Variants in KLHL32 observed in about 807,000 individuals in gnomAD.
KLHL32 encodes kelch-like protein 32.
Under a neutral mutation model 64.8 loss-of-function variants are expected in KLHL32, and 35 were observed. The ratio of observed to expected loss-of-function variants is 0.54; its 90% CI spans 0.41 to 0.72. KLHL32 has a LOEUF of 0.72. KLHL32 is among the 30% of genes least tolerant of loss of function. The pLI is 0.00. For synonymous variants in KLHL32, 259 were observed against 281.0 expected (o/e 0.92, Z 0.78); for missense variants, 589 against 768.5 (o/e 0.77, Z 2.76).
chr6:97,022,765 C>G (rs1309870923), intron 3 of KLHL32, among the ~76,000 whole-genome samples: 1 of 152,158 alleles, frequency 6.6e-6, no homozygotes, highest in African/African-American at 2.4e-5. Flanking sequence ...CCATGGCGCC[C>G]AGCCCTGATC....
At chr6:97,028,872 A>T (rs983785379) in intron 3 of KLHL32, among the ~76,000 whole-genome samples, 10 of 152,264 alleles carry the variant, frequency 6.6e-5, no homozygotes, top group African/African-American at 2.2e-4. Flanking sequence ...ACTTCTTTGT[A>T]TGGTGGGTAG....
intron 1 of KLHL32, among the ~76,000 whole-genome samples, chr6:96,947,423 G>A (rs566948435): frequency 7.4e-4 from 113 of 152,230 alleles, no homozygotes; most frequent in African/African-American, 2.5e-3. Flanking sequence ...ACAACCACAT[G>A]TTAGGAACAT....
chr6:96,915,566 G>A, the KLHL32 span, among the ~76,000 whole-genome samples: 1 of 152,064 alleles, frequency 6.6e-6, no homozygotes, highest in Non-Finnish European at 1.5e-5. Flanking sequence ...CTGATCTTGG[G>A]AGATAAAAAG....
chr6:97,126,155 T>C (rs1207741125), intron 7 of KLHL32, among the ~76,000 whole-genome samples: 6 of 152,118 alleles, frequency 3.9e-5, no homozygotes, highest in Admixed American at 2.0e-4. Context: ...TTTTATATCT[T>C]TATTGAAAAA....
chr6:96,973,744 A>G (rs1775384690), intron 2 of KLHL32, among the ~76,000 whole-genome samples: 2 of 24,338 alleles, frequency 8.2e-5, no homozygotes, highest in Admixed American at 3.0e-4. Context: ...TTTTTTTTAG[A>G]CAGAGTCTCG....
Position 97,065,568 on chromosome 6 carries a change from C to G in KLHL32, c.411+842C>G, listed in dbSNP as rs535091214. Among the ~76,000 whole-genome samples the G allele has an allele frequency of 8.5e-5, 13 of 152,242 alleles. No individual in the cohort carries two copies. In the South Asian group the frequency reaches 2.3e-3, roughly 27 times the overall value. On this transcript the variant is annotated intron_variant, in intron 5 of 10. Coordinates refer to ENST00000369261, the MANE Select transcript of KLHL32 (RefSeq NM_052904.4). Reference sequence around the variant, plus strand: ...GCAATTTTAGGATCCTCCCACTTCCCCCACTGGTGTCACCTTCACTTGCAT... The same window carrying G: ...GCAATTTTAGGATCCTCCCACTTCCGCCACTGGTGTCACCTTCACTTGCAT...
rs901342146 is a variant in KLHL32 at position 97,039,547 on chromosome 6, C to G, written c.205-1945C>G. 3.6e-4 allele frequency among the ~76,000 whole-genome samples: 38 copies of G among 105,220 alleles called. 7 individuals carry two copies. Among genetic ancestry groups the G allele is most frequent in the African/African-American group, 1.8e-3 (37 of 20,910 alleles). 69.0% of individuals were successfully genotyped at this position (105,220 alleles called of 152,430 possible). ...TGAAAATAGCTAGAAGACAGCCGGG[C>G]GCAGTGGTTCACGCCTGTAATCCCA... On this transcript the variant is annotated intron_variant, in intron 3 of 10. Transcript: ENST00000369261.
intron 6 of KLHL32, among the ~76,000 whole-genome samples, chr6:97,095,466 C>T (rs1027446585): frequency 6.6e-6 from 1 of 152,190 alleles, no homozygotes; most frequent in Admixed American, 6.5e-5. Context: ...ATTCCACACC[C>T]CTTGGATTCT....
chr6:97,089,422 C>T (rs1188471219), intron 6 of KLHL32, among the ~76,000 whole-genome samples: 1 of 152,120 alleles, frequency 6.6e-6, no homozygotes, highest in Non-Finnish European at 1.5e-5. Context: ...GTTTTGTTTT[C>T]CTTTAATTAT....
intron 4 of KLHL32, among the ~76,000 whole-genome samples, chr6:97,055,247 T>C (rs1787609091): frequency 6.6e-6 from 1 of 152,178 alleles, no homozygotes; most frequent in South Asian, 2.1e-4. Context: ...TCACCGTCCA[T>C]TGAGAAAATA....
chr6:97,026,976 A>G (rs1295635755), intron 3 of KLHL32, among the ~76,000 whole-genome samples: 2 of 151,974 alleles, frequency 1.3e-5, no homozygotes, highest in African/African-American at 4.8e-5. Context: ...AGCCCGGCCA[A>G]TGTGGTGAAA....
intron 5 of KLHL32, among the ~76,000 whole-genome samples, chr6:97,076,718 C>T (rs1476372527): frequency 1.3e-5 from 2 of 152,048 alleles, no homozygotes; most frequent in African/African-American, 4.8e-5. Flanking sequence ...CATACGTATG[C>T]TAAAAGTAGC....
At chr6:97,064,749 C>G (rs780304865) in intron 5 of KLHL32, 23 bp downstream of exon 5, 20 of 1,554,970 alleles carry the variant, frequency 1.3e-5, no homozygotes, top group Middle Eastern at 1.7e-4. Context: ...GCATCCTGCT[C>G]ATACACCCTT....
chr6:97,045,483 T>A (rs982854526), intron 4 of KLHL32, among the ~76,000 whole-genome samples: 3 of 86,624 alleles, frequency 3.5e-5, no homozygotes, highest in Non-Finnish European at 6.2e-5. Context: ...GAAATAGTAA[T>A]TTTTTTTTTG....
chr6:97,114,693 C>A, intron 7 of KLHL32, 184 bp downstream of exon 7: 1 of 671,822 alleles, frequency 1.5e-6, no homozygotes, highest in Non-Finnish European at 2.5e-6. Flanking sequence ...AAATAATATG[C>A]CTTTCTGTGA....
chr6:97,127,490 A>G, intron 8 of KLHL32, 28 bp downstream of exon 8: 6 of 1,551,318 alleles, frequency 3.9e-6, no homozygotes, highest in Non-Finnish European at 5.3e-6. Context: ...ACACCTCATT[A>G]TCTTAATTAA....
chr6:96,967,555 T>A (rs1774603840), intron 2 of KLHL32, among the ~76,000 whole-genome samples: 1 of 150,730 alleles, frequency 6.6e-6, no homozygotes, highest in Non-Finnish European at 1.5e-5. Flanking sequence ...CTTTGGGGAG[T>A]ACAATGCTTA....
chr6:97,030,236 A>G (rs986613130), intron 3 of KLHL32, among the ~76,000 whole-genome samples: 4 of 152,174 alleles, frequency 2.6e-5, no homozygotes, highest in African/African-American at 9.6e-5. Context: ...TTACTTATCT[A>G]TGAAGATGTA....
chr6:97,086,994 T>C (rs1462671689), intron 6 of KLHL32, among the ~76,000 whole-genome samples: 1 of 152,222 alleles, frequency 6.6e-6, no homozygotes, highest in Non-Finnish European at 1.5e-5. Flanking sequence ...GACGTGGTAA[T>C]GTGCAGATGG....
Sources: allele counts gnomAD v4.1 joint callset (sites outside exome capture counted in the v4.1 genomes callset), GRCh38; gene constraint gnomAD v4.1.1; transcripts MANE v1.5; gene names NCBI Gene and HGNC (gene_info 2026-07-23, HGNC 2026-07-21).